CA10: variants seen among roughly 807,000 people sequenced by gnomAD.
CA10 encodes the protein carbonic anhydrase 10 (inactive), also known as carbonic anhydrase-related protein 10.
In CA10, 14 loss-of-function variants were observed where a neutral mutation model predicts 44.2. The observed-to-expected ratio is 0.32, with a 90% CI of 0.21 to 0.50. The LOEUF (loss-of-function observed/expected upper bound fraction) is 0.50. CA10 is among the 20% of genes least tolerant of loss of function. CA10 has a pLI of 0.99. For missense variants in CA10, 350 were observed against 409.7 expected, an observed-to-expected ratio of 0.85 and a Z score of 1.26; for synonymous variants, 159 against 141.6, an observed-to-expected ratio of 1.12 and a Z score of -0.87.
intron 3 of CA10, among the ~76,000 whole-genome samples, chr17:51,848,464 C>T (rs1203819984): frequency 1.3e-5 from 2 of 152,196 alleles, no homozygotes; most frequent in East Asian, 1.9e-4. Flanking sequence ...CAGCAAGCCT[C>T]CAATCTGTTC....
intron 1 of CA10, among the ~76,000 whole-genome samples, chr17:52,079,647 G>C (rs1419343286): frequency 1.3e-5 from 2 of 152,096 alleles, no homozygotes; most frequent in Admixed American, 6.5e-5. Flanking sequence ...GCCTATATTT[G>C]TGGTCAGTGG....
chr17:52,066,161 C>T (rs566305640), intron 2 of CA10, among the ~76,000 whole-genome samples: 1 of 152,262 alleles, frequency 6.6e-6, no homozygotes, highest in South Asian at 2.1e-4. Flanking sequence ...AAATTGGTAT[C>T]ACAGAGAATG....
intron 3 of CA10, among the ~76,000 whole-genome samples, chr17:51,817,773 A>G (rs1397633861): frequency 6.6e-6 from 1 of 152,202 alleles, no homozygotes; most frequent in Non-Finnish European, 1.5e-5. Context: ...ATCGGTAGGT[A>G]GCAGTGCAGA....
At chr17:51,989,210 C>T (rs1984953874) in intron 2 of CA10, among the ~76,000 whole-genome samples, 1 of 149,788 alleles carries the variant, frequency 6.7e-6, no homozygotes, top group African/African-American at 2.5e-5. Flanking sequence ...TGGTTTGTTA[C>T]CTAGGTAAAT....
chr17:52,000,799 T>C (rs1350646046), intron 2 of CA10, among the ~76,000 whole-genome samples: 1 of 151,796 alleles, frequency 6.6e-6, no homozygotes, highest in South Asian at 2.1e-4. Context: ...TTTTTATAGA[T>C]TAGGGAACTG....
intron 1 of CA10, among the ~76,000 whole-genome samples, chr17:52,081,120 G>A (rs1398060413): frequency 6.6e-6 from 1 of 152,094 alleles, no homozygotes; most frequent in African/African-American, 2.4e-5. Context: ...GAAAAGGAAA[G>A]AACTGAATTC....
chr17:51,772,143 G>A (rs1290966247), intron 3 of CA10, among the ~76,000 whole-genome samples: 2 of 152,142 alleles, frequency 1.3e-5, no homozygotes, highest in East Asian at 3.8e-4. Flanking sequence ...CTGTATATGG[G>A]GAGAACAATA....
At chr17:51,688,256 G>A (rs532137269) in intron 4 of CA10, among the ~76,000 whole-genome samples, 6 of 152,212 alleles carry the variant, frequency 3.9e-5, no homozygotes, top group South Asian at 4.2e-4. Context: ...ACAACCTCTC[G>A]GAAGACCCCT....
At chr17:51,791,220 A>G (rs1906506384) in intron 3 of CA10, among the ~76,000 whole-genome samples, 1 of 152,232 alleles carries the variant, frequency 6.6e-6, no homozygotes, top group Admixed American at 6.5e-5. Context: ...ACTAAGGTCT[A>G]GGCATTCCAA....
At chr17:51,707,669 A>ATGTGTGTGTGTGTGTG (rs1491192056) in intron 4 of CA10, among the ~76,000 whole-genome samples, 518 of 39,772 alleles carry the variant, frequency 0.013, 5 homozygotes, top group African/African-American at 0.032. Flanking sequence ...AAGTGGATGA[A>ATGTGTGTGTGTGTGTG]TATGTGTGTG....
At chr17:51,649,571 A>G (rs1478188469) in intron 5 of CA10, among the ~76,000 whole-genome samples, 1 of 152,222 alleles carries the variant, frequency 6.6e-6, no homozygotes, top group African/African-American at 2.4e-5. Flanking sequence ...GGATGGGTAG[A>G]AGTTAACAAA....
chr17:52,146,773 G>C (rs1369191105), intron 1 of CA10, among the ~76,000 whole-genome samples: 3 of 151,970 alleles, frequency 2.0e-5, no homozygotes, highest in African/African-American at 7.2e-5. Flanking sequence ...TTTTCTTCTT[G>C]GCCCACAAAA....
chr17:51,989,344 G>A (rs964456020), intron 2 of CA10, among the ~76,000 whole-genome samples: 8 of 151,878 alleles, frequency 5.3e-5, no homozygotes, highest in African/African-American at 1.4e-4. Context: ...AGGCCCCAGT[G>A]TGTGTTGTTC....
At chr17:51,772,075 C>T (rs1306079675) in intron 3 of CA10, among the ~76,000 whole-genome samples, 1 of 152,210 alleles carries the variant, frequency 6.6e-6, no homozygotes, top group Non-Finnish European at 1.5e-5. Context: ...CTCCTACTTA[C>T]TTTCCTCTAT....
chr17:51,960,165 C>G (rs1213206598), intron 2 of CA10, among the ~76,000 whole-genome samples: 1 of 150,812 alleles, frequency 6.6e-6, no homozygotes, highest in Non-Finnish European at 1.5e-5. Flanking sequence ...AATGGAGATG[C>G]CAGAAAAAAA....
chr17:51,685,711 A>G (rs903319486), intron 4 of CA10, among the ~76,000 whole-genome samples: 1 of 152,240 alleles, frequency 6.6e-6, no homozygotes, highest in Admixed American at 6.5e-5. Flanking sequence ...TACACTGACC[A>G]GGGAATAGAA....
intron 4 of CA10, among the ~76,000 whole-genome samples, chr17:51,696,222 G>A (rs1915398455): frequency 6.6e-6 from 1 of 152,068 alleles, no homozygotes; most frequent in South Asian, 2.1e-4. Context: ...TGATTTTTTG[G>A]AATAGTTTCA....
chr17:51,809,341 C>T (rs9889685), intron 3 of CA10, among the ~76,000 whole-genome samples: 1 of 152,156 alleles, frequency 6.6e-6, no homozygotes, highest in East Asian at 1.9e-4. Flanking sequence ...AGATAAGTAA[C>T]ATACCAACAT....
At chr17:52,094,600 C>G (rs965219555) in intron 1 of CA10, among the ~76,000 whole-genome samples, 1 of 152,054 alleles carries the variant, frequency 6.6e-6, no homozygotes, top group Non-Finnish European at 1.5e-5. Flanking sequence ...TATACTCATA[C>G]GGTATCCAGA....
Sources: allele counts gnomAD v4.1 joint callset (sites outside exome capture counted in the v4.1 genomes callset), GRCh38; gene constraint gnomAD v4.1.1; transcripts MANE v1.5; gene names NCBI Gene and HGNC (gene_info 2026-07-23, HGNC 2026-07-21).